The following ZNF341 variants were observed in gnomAD, a reference collection of about 807,000 sequenced individuals.
ZNF341 encodes the protein zinc finger protein 341.
ZNF341 carries 52 observed loss-of-function variants against 87.7 expected under a neutral mutation model. The ratio of observed to expected loss-of-function variants is 0.59; its 90% confidence interval spans 0.47 to 0.75. ZNF341 has a LOEUF of 0.75. ZNF341 is among the 30% of genes least tolerant of loss of function. The pLI, the probability that ZNF341 is intolerant of heterozygous loss-of-function variation, is 0.00. For synonymous variants in ZNF341, 459 were observed against 472.7 expected (o/e 0.97, Z 0.38); for missense variants, 977 against 1,145.9 (o/e 0.85, Z 2.13).
chr20:33,760,981 A>G (rs1004677459), intron 7 of ZNF341, among the ~76,000 whole-genome samples: 2 of 152,076 alleles, frequency 1.3e-5, no homozygotes, highest in Non-Finnish European at 2.9e-5. Context: ...CCTTTTTTAA[A>G]GATTATTTTA....
chr20:33,784,062 T>A, intron 12 of ZNF341, among the ~76,000 whole-genome samples, 198 bp downstream of exon 12: 1 of 70,552 alleles, frequency 1.4e-5, no homozygotes, highest in South Asian at 6.4e-4. Context: ...GTCTCCCTCC[T>A]CCTCCCCATC....
At chr20:33,766,032 G>A (rs553947387) in intron 8 of ZNF341, among the ~76,000 whole-genome samples, 17 of 150,714 alleles carry the variant, frequency 1.1e-4, no homozygotes, top group East Asian at 8.0e-4. Flanking sequence ...ACAGGTGTGC[G>A]TCACCACGCC....
In ZNF341 at chr20:33,788,939, C is replaced by T. The variant is rs140105337; in HGVS notation, c.1929C>T (p.Ile643=). 0.023 allele frequency: 37,331 copies of T among 1,614,028 alleles called. 475 individuals carry two copies. The highest frequency in any genetic ancestry group is 0.028 in the Non-Finnish European group (32,629 of 1,179,988). ...RKDKLKRHML[I]HEPFKKYKCP... ...ACAAACTGAAGAGACACATGTTGATCCACGAGCCCTTCAAGAAATACAAAT... is the reference window on the plus strand; with the variant it reads ...ACAAACTGAAGAGACACATGTTGATTCACGAGCCCTTCAAGAAATACAAAT... The change falls in exon 13 of 15, where the codon ATC becomes ATT. Residue 643 remains isoleucine, a synonymous_variant. Coordinates refer to ENST00000375200, the MANE Select transcript of ZNF341 (RefSeq NM_001282933.2).
chr20:33,755,740 G>A (rs1275375413), intron 5 of ZNF341, among the ~76,000 whole-genome samples: 1 of 151,796 alleles, frequency 6.6e-6, no homozygotes, highest in Non-Finnish European at 1.5e-5. Context: ...CTACAGGCAT[G>A]CACCACCATG....
chr20:33,734,540 A>G (rs577039871), intron 1 of ZNF341, among the ~76,000 whole-genome samples: 7 of 152,070 alleles, frequency 4.6e-5, no homozygotes, highest in Non-Finnish European at 1.0e-4. Flanking sequence ...TTGCAGAAGA[A>G]CCAGAAATGG....
intron 3 of ZNF341, among the ~76,000 whole-genome samples, chr20:33,747,696 C>T (rs1601241604): frequency 6.7e-6 from 1 of 148,844 alleles, no homozygotes; most frequent in South Asian, 2.1e-4. Flanking sequence ...GAAAATATTC[C>T]CCTCACCATC....
chr20:33,772,010 T>TAAAA (rs57345366), intron 10 of ZNF341, among the ~76,000 whole-genome samples: 2,051 of 56,096 alleles, frequency 0.037, 232 homozygotes, highest in African/African-American at 0.12. Flanking sequence ...ACGCTTGTCT[T>TAAAA]AAAAAAAAAA....
intron 12 of ZNF341, 36 bp downstream of exon 12, chr20:33,783,900 C>T: frequency 6.3e-7 from 1 of 1,580,970 alleles, no homozygotes; most frequent in Middle Eastern, 1.7e-4. Context: ...CAGCCCAGCC[C>T]CTCCCCTCCC....
At position 33,753,316 on chromosome 20, in the gene ZNF341, C is replaced by A; in HGVS notation, c.634C>A (p.Pro212Thr). The A allele has an allele frequency of 6.2e-7, 1 of 1,611,874 alleles. No individual in the cohort carries two copies. Residue 212 changes from proline to threonine, a missense_variant, in exon 5 of 15, where the codon CCT becomes ACT. By Grantham distance (38) the Pro-to-Thr change is conservative. Around this residue, in one of 3 missense-constraint regions of ZNF341, gnomAD observed 515 missense variants for 598.2 expected, o/e 0.86. Coordinates refer to ENST00000375200, the MANE Select transcript of ZNF341 (RefSeq NM_001282933.2). ...QSLGPPGRPN[P>T]GGNGVVEVYS... is the part of the protein sequence containing the mutation. Reference sequence around the variant, plus strand: ...CCTGGGCCCCCCTGGGCGTCCCAACCCTGGTGGGAACGGTGTGGTGGAGGT... The same window carrying A: ...CCTGGGCCCCCCTGGGCGTCCCAACACTGGTGGGAACGGTGTGGTGGAGGT...
chr20:33,774,041 A>T (rs1185310393), intron 10 of ZNF341, among the ~76,000 whole-genome samples: 1 of 148,916 alleles, frequency 6.7e-6, no homozygotes, highest in Non-Finnish European at 1.5e-5. Context: ...GCACTTTGGG[A>T]GTCCGAGGAG....
chr20:33,791,246 C>T lies in ZNF341; in HGVS notation c.2294C>T (p.Thr765Ile). The change falls in exon 15 of 15, where the codon ACC (threonine) becomes ATC (isoleucine). Residue 765 changes from threonine (T) to isoleucine (I), a missense_variant. Transcript: ENST00000375200. ...GGCAGTGGTGGGCGCAAGGTGCTGA[C>T]CCCCTTGCCTGACCCGCTGGGGCTG... ...SCGSGGRKVLTPLPDPLGLEE... is the reference protein window; with the variant it reads ...SCGSGGRKVLIPLPDPLGLEE... 1 of 1,611,998 alleles carries T rather than the reference C, an allele frequency of 6.2e-7. No homozygotes were observed. The highest frequency in any genetic ancestry group is 8.5e-7 in the Non-Finnish European group (1 of 1,179,566).
chr20:33,743,335 ATTT>A (rs143611794), intron 2 of ZNF341, among the ~76,000 whole-genome samples: 7,839 of 107,926 alleles, frequency 0.073, 367 homozygotes, highest in African/African-American at 0.18. Context: ...ACCCTGCCCA[ATTT>A]TTTTTTTTTT....
intron 14 of ZNF341, 63 bp downstream of exon 14, chr20:33,789,651 G>T (rs907264949): frequency 1.9e-6 from 3 of 1,551,284 alleles, no homozygotes; most frequent in East Asian, 2.3e-5. Context: ...GGATAGACCC[G>T]CCAGGAAGAG....
At chr20:33,767,870 T>C (rs753827311) in intron 9 of ZNF341, among the ~76,000 whole-genome samples, 1 of 152,208 alleles carries the variant, frequency 6.6e-6, no homozygotes. Context: ...CACCATAGAC[T>C]CAGGCTTCTA....
chr20:33,775,392 A>C (rs2019608068), intron 10 of ZNF341, among the ~76,000 whole-genome samples: 1 of 151,398 alleles, frequency 6.6e-6, no homozygotes, highest in Non-Finnish European at 1.5e-5. Context: ...TTGTATTTTT[A>C]GTAGAGACGG....
At chr20:33,768,171 G>A (rs957496265) in intron 9 of ZNF341, among the ~76,000 whole-genome samples, 1 of 151,758 alleles carries the variant, frequency 6.6e-6, no homozygotes, top group Admixed American at 6.6e-5. Context: ...CGCCCAGGCT[G>A]GAGTGCAATG....
intron 9 of ZNF341, among the ~76,000 whole-genome samples, chr20:33,768,711 C>T (rs1343993303): frequency 1.3e-5 from 2 of 152,208 alleles, no homozygotes; most frequent in African/African-American, 2.4e-5. Context: ...GCATGAGCCA[C>T]CACGCCCGGC....
Position 33,753,325 on chromosome 20 carries a change from A to G in ZNF341, c.643A>G (p.Asn215Asp), listed in dbSNP as rs767642971. The change falls in exon 5 of 15, where the codon AAC (asparagine) becomes GAC (aspartate). Residue 215 changes from asparagine to aspartate, a missense_variant. Asn to Asp is a conservative substitution (Grantham distance 23, BLOSUM62 1). This residue lies in a region of ZNF341 where 515 missense variants were observed against 598.2 expected (regional missense o/e 0.86). Transcript: ENST00000375200. ...GPPGRPNPGG[N>D]GVVEVYSAAA... ...CCCTGGGCGTCCCAACCCTGGTGGG[A>G]ACGGTGTGGTGGAGGTGTACAGTGC... 18 of 1,610,910 alleles carry G rather than the reference A, an allele frequency of 1.1e-5. No individual in the cohort carries two copies. Among genetic ancestry groups the G allele is most frequent in the African/African-American group, 1.3e-5 (1 of 74,844 alleles).
chr20:33,791,506 G>C lies in ZNF341; in HGVS notation c.2554G>C (p.Ala852Pro). The C allele has an allele frequency of 6.4e-7, 1 of 1,559,132 alleles. No individual in the cohort carries two copies. Among genetic ancestry groups the C allele is most frequent in the African/African-American group, 1.3e-5 (1 of 74,220 alleles). The change falls in exon 15 of 15, where the codon GCC becomes CCC. Residue 852 changes from alanine to proline, a missense_variant. Around this residue, in one of 3 missense-constraint regions of ZNF341, gnomAD observed 221 missense variants for 212.7 expected, o/e 1.04. Coordinates refer to ENST00000375200, the MANE Select transcript of ZNF341 (RefSeq NM_001282933.2). ...AMLAVPVYIQASE is the reference protein window; with the variant it reads ...AMLAVPVYIQPSE ...GCTCGCTGTGCCCGTCTACATCCAG[G>C]CCTCCGAGTGACGGACCTGAGGTGT...
Sources: gnomAD v4.1 joint callset for allele counts (sites outside exome capture counted in the v4.1 genomes callset) on GRCh38, gnomAD v4.1.1 for gene constraint, gnomAD v4.1.1 regional missense constraint, MANE v1.5 for transcripts, NCBI Gene and HGNC (gene_info 2026-07-23, HGNC 2026-07-21) for gene names.